Variants in ENPP1 observed in about 807,000 individuals in gnomAD.
ENPP1 encodes the protein ectonucleotide pyrophosphatase/phosphodiesterase family member 1.
ENPP1 carries 73 observed loss-of-function variants against 122.8 expected under a neutral mutation model. That is an observed-to-expected ratio of 0.59 (90% CI 0.49 to 0.72). The LOEUF (loss-of-function observed/expected upper bound fraction) is 0.72. ENPP1 is among the 30% of genes least tolerant of loss of function. The pLI is 0.00. For missense variants in ENPP1, 978 were observed against 1,128.1 expected (o/e 0.87, Z 1.91); for synonymous variants, 367 against 391.6 (o/e 0.94, Z 0.74).
At chr6:131,829,002 AC>A (rs1781578747) in intron 1 of ENPP1, among the ~76,000 whole-genome samples, 1 of 152,270 alleles carries the variant, frequency 6.6e-6, no homozygotes, top group Non-Finnish European at 1.5e-5. Context: ...TCAGAAAAAA[AC>A]AGCAAATAAA....
At chr6:131,881,537 G>T (rs1389681556) in intron 20 of ENPP1, among the ~76,000 whole-genome samples, 1 of 152,116 alleles carries the variant, frequency 6.6e-6, no homozygotes, top group African/African-American at 2.4e-5. Flanking sequence ...TGGCAGTGTA[G>T]TTGACTATGG....
rs909108841 is a variant in ENPP1 at position 131,851,320 on chromosome 6, G to A, written c.556+53G>A. On this transcript the variant is annotated intron_variant, in intron 4 of 24. Transcript: ENST00000647893. ...GCCTGGTATCTTCCAGCGTCTTAGC[G>A]GGGCTTTACATAGGTGTTATCTTTT... The A allele has an allele frequency of 3.0e-5, 48 of 1,612,358 alleles. No homozygotes were observed. The African/African-American group carries it at 3.7e-4, about 13-fold the overall frequency.
intron 8 of ENPP1, 36 bp from the exon 9 acceptor site, chr6:131,861,559 C>CATGATTTCT (rs752936067): frequency 1.6e-6 from 2 of 1,266,102 alleles, no homozygotes; most frequent in South Asian, 2.4e-5. Flanking sequence ...TGAATGTTTG[C>CATGATTTCT]ATGATTTCTT....
chr6:131,864,852 A>G lies in ENPP1; in HGVS notation c.1092-14A>G. 1 of 1,527,030 alleles carries G rather than the reference A, an allele frequency of 6.5e-7. No homozygotes were observed. Among genetic ancestry groups the G allele is most frequent in the Non-Finnish European group, 9.1e-7 (1 of 1,101,168 alleles). 94.6% of individuals were successfully genotyped at this position (1,527,030 alleles called of 1,614,324 possible). On this transcript the variant is annotated splice_polypyrimidine_tract_variant and intron_variant, in intron 10 of 24. Transcript: ENST00000647893. ...TGTTCGTAAAATATTACATTTTGAT[A>G]CTGTTTGATTTAGACCACACTTTTA...
At chr6:131,851,064 G>C in intron 3 of ENPP1, 78 bp from the exon 4 acceptor site, 5 of 1,521,984 alleles carry the variant, frequency 3.3e-6, no homozygotes, top group Non-Finnish European at 2.7e-6. Flanking sequence ...TCATACTCAG[G>C]AAGACAGCAA....
intron 1 of ENPP1, chr6:131,826,721 T>A: frequency 1.9e-6 from 1 of 533,566 alleles, no homozygotes; most frequent in Non-Finnish European, 3.4e-6. Flanking sequence ...GCAAGAGGTC[T>A]GCAATGACTT....
rs139738497 is a variant in ENPP1 at position 131,878,729 on chromosome 6, T to C, written c.1945+136T>C. 62 of 725,912 alleles carry C rather than the reference T, an allele frequency of 8.5e-5. 1 individual carries two copies. The African/African-American group carries it at 9.4e-4, about 11-fold the overall frequency. The allele number at this position is 725,912 out of a possible 1,614,324, so 45.0% of individuals were successfully genotyped here. On this transcript the variant is annotated intron_variant, in intron 19 of 24. Coordinates refer to ENST00000647893, the MANE Select transcript of ENPP1 (RefSeq NM_006208.3). ...AAGGGAGTTCTGGAGGACCACCTGA[T>C]GAAACATAGAGGTTTCTTTGCTTGA... is the stretch of plus-strand genomic sequence containing the variant.
intron 6 of ENPP1, 91 bp from the exon 7 acceptor site, chr6:131,858,577 C>T (rs1021233570): frequency 1.3e-5 from 10 of 798,368 alleles, no homozygotes; most frequent in East Asian, 8.1e-5. Context: ...ATTTTTTTTA[C>T]GTGATTTAGA....
chr6:131,883,477 G>A (rs1782338712), intron 21 of ENPP1, among the ~76,000 whole-genome samples: 1 of 152,138 alleles, frequency 6.6e-6, no homozygotes, highest in African/African-American at 2.4e-5. Flanking sequence ...ATGTTTCGTT[G>A]ACATGCTCAT....
intron 18 of ENPP1, chr6:131,877,587 G>T (rs1782246865): frequency 5.6e-6 from 1 of 178,778 alleles, no homozygotes; most frequent in Non-Finnish European, 1.2e-5. Flanking sequence ...GGAGAAAAAA[G>T]ATTTCTTGGT....
At chr6:131,813,849 G>T (rs1781385667) in intron 1 of ENPP1, among the ~76,000 whole-genome samples, 1 of 152,114 alleles carries the variant, frequency 6.6e-6, no homozygotes, top group African/African-American at 2.4e-5. Flanking sequence ...TTGGTCGAGG[G>T]CTTTGGATTT....
intron 5 of ENPP1, among the ~76,000 whole-genome samples, chr6:131,853,836 T>A (rs1781910074): frequency 6.6e-6 from 1 of 152,232 alleles, no homozygotes; most frequent in African/African-American, 2.4e-5. Context: ...GAAAAATTTC[T>A]GAGCCATGGC....
intron 5 of ENPP1, among the ~76,000 whole-genome samples, chr6:131,853,078 A>G (rs1781901349): frequency 6.6e-6 from 1 of 152,122 alleles, no homozygotes; most frequent in Non-Finnish European, 1.5e-5. Context: ...ACCTCTTTAA[A>G]ATGATAGTTT....
intron 21 of ENPP1, 86 bp downstream of exon 21, chr6:131,882,560 T>A: frequency 3.1e-6 from 2 of 643,062 alleles, no homozygotes; most frequent in Non-Finnish European, 5.3e-6. Context: ...TATAGGGTAA[T>A]ATATATATTA....
At chr6:131,833,303 A>T (rs936233674) in intron 1 of ENPP1, among the ~76,000 whole-genome samples, 2 of 152,092 alleles carry the variant, frequency 1.3e-5, no homozygotes, top group African/African-American at 4.8e-5. Flanking sequence ...GATTTTTTTT[A>T]ATGAAAATGA....
At chr6:131,809,799 T>A (rs1463918371) in intron 1 of ENPP1, among the ~76,000 whole-genome samples, 1 of 152,218 alleles carries the variant, frequency 6.6e-6, no homozygotes, top group African/African-American at 2.4e-5. Context: ...CATTTACTTA[T>A]ACATCCACAA....
At chr6:131,855,692 G>A (rs1169709837) in intron 6 of ENPP1, among the ~76,000 whole-genome samples, 4 of 151,532 alleles carry the variant, frequency 2.6e-5, no homozygotes, top group Non-Finnish European at 4.4e-5. Flanking sequence ...GAGATATTAC[G>A]AGTACAGACA....
intron 1 of ENPP1, among the ~76,000 whole-genome samples, chr6:131,821,968 C>T (rs1781489801): frequency 6.6e-6 from 1 of 152,188 alleles, no homozygotes; most frequent in South Asian, 2.1e-4. Flanking sequence ...TGCCACCCAG[C>T]ACCATTTCGA....
intron 1 of ENPP1, among the ~76,000 whole-genome samples, chr6:131,847,110 T>G (rs1271480544): frequency 1.3e-5 from 2 of 152,208 alleles, no homozygotes; most frequent in African/African-American, 4.8e-5. Context: ...CTGACCCTCT[T>G]CAGGGCTCGT....
Sources: gnomAD v4.1 joint callset for allele counts (sites outside exome capture counted in the v4.1 genomes callset) on GRCh38, gnomAD v4.1.1 for gene constraint, MANE v1.5 for transcripts, NCBI Gene and HGNC (gene_info 2026-07-23, HGNC 2026-07-21) for gene names.